The following MPRIP variants were observed in gnomAD, a reference collection of about 807,000 sequenced individuals.
The protein encoded by MPRIP is myosin phosphatase Rho-interacting protein.
A neutral mutation model predicts 234.9 loss-of-function variants in MPRIP; 59 were observed. The ratio of observed to expected loss-of-function variants is 0.25; its 90% CI spans 0.20 to 0.31. MPRIP has a LOEUF of 0.31. Among genes scored for constraint, MPRIP ranks in the 10% least tolerant of loss-of-function variants. The pLI, the probability that MPRIP is intolerant of heterozygous loss-of-function variation, is 1.00. For missense variants in MPRIP, 2,436 were observed against 3,071.0 expected (o/e 0.79, Z 4.89); for synonymous variants, 1,144 against 1,263.9 (o/e 0.91, Z 2.01).
chr17:17,189,970 A>G lies in MPRIP; in HGVS notation c.*5076A>G, dbSNP rs1193021833. 2 of 152,258 alleles carry G rather than the reference A, an allele frequency of 1.3e-5. No homozygotes were observed. Among genetic ancestry groups the G allele is most frequent in the African/African-American group, 4.8e-5 (2 of 41,470 alleles). 9.4% of individuals were successfully genotyped at this position (152,258 alleles called of 1,614,324 possible). A position where few individuals can be genotyped will look rare whatever the true frequency, so the allele number is the denominator to read the frequency against. ...CTTGCTTATTAAAAAGTTCCTTAGA[A>G]TTAAGGTATCTACCCACTGTTTTCG... On this transcript the variant is annotated 3_prime_UTR_variant, in exon 24 of 24. Coordinates refer to ENST00000651222, the MANE Select transcript of MPRIP (RefSeq NM_001364716.4).
Position 17,166,695 on chromosome 17 carries a change from C to T in MPRIP, c.5104C>T (p.Arg1702Trp), listed in dbSNP as rs752374383. 2.8e-5 allele frequency: 36 copies of T among 1,303,878 alleles called. No homozygotes were observed. Among genetic ancestry groups the T allele is most frequent in the Non-Finnish European group, 3.3e-5 (33 of 988,938 alleles). The allele number at this position is 1,303,878 out of a possible 1,614,324, so 80.8% of individuals were successfully genotyped here. The stretch of plus-strand genomic sequence containing the variant: ...CCTGCGGGGCACCCAGACGGCCCTG[C>T]GGCAGCACAAATGCCTGCTGAGGGA... ...ETLRGTQTAL[R>W]QHKCLLREIL... is the part of the protein sequence containing the mutation. The change falls in exon 16 of 24, where the codon CGG becomes TGG. Residue 1702 changes from arginine (R) to tryptophan (W), a missense_variant. Coordinates refer to ENST00000651222, the MANE Select transcript of MPRIP (RefSeq NM_001364716.4). The surrounding 1 kb of genome is among the most constrained non-coding windows in gnomAD (Gnocchi z 4.4).
intron 1 of MPRIP, among the ~76,000 whole-genome samples, chr17:17,059,273 T>C (rs891278586): frequency 6.6e-6 from 1 of 152,220 alleles, no homozygotes; most frequent in African/African-American, 2.4e-5. Context: ...TAGCATGTCC[T>C]GTGTAGCCTT....
Position 17,192,103 on chromosome 17 carries a change from A to G in MPRIP, c.*7209A>G, listed in dbSNP as rs1262737245. ...ACCTACTGTGCCAAGCTGGGGCGCT[A>G]TATGTGAACGGAGTGGAAATGCTTC... On this transcript the variant is annotated 3_prime_UTR_variant, in exon 24 of 24. Coordinates refer to ENST00000651222, the MANE Select transcript of MPRIP (RefSeq NM_001364716.4). The G allele has an allele frequency of 6.6e-6, 1 of 152,196 alleles. No homozygotes were observed. The highest frequency in any genetic ancestry group is 1.9e-4 in the East Asian group (1 of 5,202). The allele number at this position is 152,196 out of a possible 1,614,324, so 9.4% of individuals were successfully genotyped here. A position where few individuals can be genotyped will look rare whatever the true frequency, so the allele number is the denominator to read the frequency against.
chr17:17,059,836 G>C (rs1381209863), intron 1 of MPRIP, among the ~76,000 whole-genome samples: 1 of 152,204 alleles, frequency 6.6e-6, no homozygotes, highest in Non-Finnish European at 1.5e-5. Context: ...ATTGCAGTCT[G>C]CAGGGTCCCG....
intron 3 of MPRIP, among the ~76,000 whole-genome samples, chr17:17,094,728 A>G (rs530825564): frequency 1.3e-5 from 2 of 151,394 alleles, no homozygotes; most frequent in Admixed American, 1.3e-4. Context: ...CTCCTGCTTC[A>G]GCCTCCCAGG....
chr17:17,184,359 C>T (rs1471196676), intron 23 of MPRIP, among the ~76,000 whole-genome samples: 1 of 152,200 alleles, frequency 6.6e-6, no homozygotes, highest in Non-Finnish European at 1.5e-5. Context: ...GAGGCCCTGT[C>T]CCGGGACACC....
At position 17,172,823 on chromosome 17, in the gene MPRIP, G is replaced by T. The variant is rs747250560; in HGVS notation, c.6590+8G>T. On this transcript the variant is annotated splice_region_variant and intron_variant, in intron 18 of 23. Transcript: ENST00000651222. ...CCTGCGGCGCCAGTACCTGTAAGTG[G>T]CTGGGCCTGCCCATCTGCCCTTGGG... 1.2e-6 allele frequency: 2 copies of T among 1,608,452 alleles called. No individual in the cohort carries two copies. Among genetic ancestry groups the T allele is most frequent in the Non-Finnish European group, 8.5e-7 (1 of 1,177,238 alleles).
At chr17:17,172,628 T>TC in intron 17 of MPRIP, 70 bp from the exon 18 acceptor site, 1 of 1,263,160 alleles carries the variant, frequency 7.9e-7, no homozygotes, top group Non-Finnish European at 1.1e-6. Flanking sequence ...TGTGTGGAGC[T>TC]CCCCACCCCC....
intron 3 of MPRIP, among the ~76,000 whole-genome samples, chr17:17,082,491 C>A (rs1375692444): frequency 6.6e-6 from 1 of 151,902 alleles, no homozygotes; most frequent in Admixed American, 6.6e-5. Flanking sequence ...GATGGGGTTT[C>A]TTCATGCTGG....
At chr17:17,045,075 C>T (rs1343627933) in intron 1 of MPRIP, among the ~76,000 whole-genome samples, 4 of 152,298 alleles carry the variant, frequency 2.6e-5, no homozygotes, top group African/African-American at 7.2e-5. Context: ...TAGAAAACCT[C>T]AACCAATCGG....
chr17:17,122,932 A>G (rs778652790), intron 3 of MPRIP, among the ~76,000 whole-genome samples: 15 of 152,228 alleles, frequency 9.9e-5, no homozygotes, highest in Non-Finnish European at 2.1e-4. Context: ...GCACAGCAGC[A>G]CTATACACAG....
chr17:17,088,071 A>G (rs949336922), intron 3 of MPRIP, among the ~76,000 whole-genome samples: 4 of 152,170 alleles, frequency 2.6e-5, no homozygotes, highest in Non-Finnish European at 4.4e-5. Context: ...CCCACAATTG[A>G]TTATCAAGGG....
intron 5 of MPRIP, among the ~76,000 whole-genome samples, chr17:17,132,097 C>G (rs2090608830): frequency 6.6e-6 from 1 of 152,168 alleles, no homozygotes; most frequent in South Asian, 2.1e-4. Context: ...GAGGAGAATT[C>G]TGGAGTGGTA....
At chr17:17,062,342 G>C (rs1216735397) in intron 1 of MPRIP, among the ~76,000 whole-genome samples, 1 of 152,170 alleles carries the variant, frequency 6.6e-6, no homozygotes, top group African/African-American at 2.4e-5. Flanking sequence ...CCATGTAGTG[G>C]CATTTACATT....
At chr17:17,120,879 G>A (rs965613902) in intron 3 of MPRIP, among the ~76,000 whole-genome samples, 12 of 152,126 alleles carry the variant, frequency 7.9e-5, no homozygotes, top group African/African-American at 2.4e-4. Flanking sequence ...CCTTACTCTC[G>A]CAGCACAAGA....
intron 9 of MPRIP, among the ~76,000 whole-genome samples, chr17:17,145,661 C>A (rs1449686605): frequency 6.6e-6 from 1 of 152,248 alleles, no homozygotes; most frequent in African/African-American, 2.4e-5. Flanking sequence ...TTTCAGCCTT[C>A]CCTGCAGATG....
chr17:17,133,176 C>G (rs1262208629), intron 5 of MPRIP, among the ~76,000 whole-genome samples: 1 of 152,174 alleles, frequency 6.6e-6, no homozygotes, highest in Non-Finnish European at 1.5e-5. Context: ...GTAGGTTACC[C>G]ACTTCACTGA....
intron 19 of MPRIP, among the ~76,000 whole-genome samples, chr17:17,174,780 CAG>C (rs2046218891): frequency 6.9e-6 from 1 of 145,180 alleles, no homozygotes; most frequent in Non-Finnish European, 1.5e-5. Context: ...GCCTGGGTGA[CAG>C]AGCGAGACTC....
Position 17,143,494 on chromosome 17 carries a change from T to TC in MPRIP, c.1390-61dup, listed in dbSNP as rs2045376953. 4 of 1,125,262 alleles carry TC rather than the reference T, an allele frequency of 3.6e-6. No homozygotes were observed. The South Asian group carries it at 6.8e-5, about 19-fold the overall frequency. 69.7% of individuals were successfully genotyped at this position (1,125,262 alleles called of 1,614,324 possible). On this transcript the variant is annotated intron_variant, in intron 8 of 23. Coordinates refer to ENST00000651222, the MANE Select transcript of MPRIP (RefSeq NM_001364716.4). Reference sequence around the variant, plus strand: ...TCTTGGAGGGGTGGACAGCACCAGCTCGTCCCTCACATGCCCACATTGCCC... The same window carrying TC: ...TCTTGGAGGGGTGGACAGCACCAGCTCCGTCCCTCACATGCCCACATTGCCC...
Sources: gnomAD v4.1 joint callset for allele counts (sites outside exome capture counted in the v4.1 genomes callset) on GRCh38, gnomAD v4.1.1 for gene constraint, Gnocchi (gnomAD v3.1) non-coding constraint, MANE v1.5 for transcripts, NCBI Gene and HGNC (gene_info 2026-07-23, HGNC 2026-07-21) for gene names.